Variants in DENND4A observed in about 807,000 individuals in gnomAD.
DENND4A encodes the protein C-myc promoter-binding protein.
In DENND4A, 70 loss-of-function variants were observed where a neutral mutation model predicts 199.3. The observed-to-expected ratio is 0.35, with a 90% CI of 0.29 to 0.43. DENND4A has a LOEUF of 0.43. DENND4A is among the 20% of genes least tolerant of loss of function. The probability of loss-of-function intolerance (pLI) is 1.00; values close to 1 mark genes in which losing one functional copy is unlikely to be tolerated. For missense variants in DENND4A, 1,723 were observed against 2,255.8 expected (o/e 0.76, Z 4.78); for synonymous variants, 686 against 766.9 (o/e 0.89, Z 1.74).
At chr15:65,708,445 G>A (rs957549572) in intron 14 of DENND4A, among the ~76,000 whole-genome samples, 1 of 151,924 alleles carries the variant, frequency 6.6e-6, no homozygotes, top group African/African-American at 2.4e-5. Flanking sequence ...TCTAGTTTTC[G>A]GTAAAGTCTA....
At position 65,664,620 on chromosome 15, in the gene DENND4A, T is replaced by A; in HGVS notation, c.5462A>T (p.Tyr1821Phe). The A allele has an allele frequency of 6.2e-7, 1 of 1,613,100 alleles. No individual in the cohort carries two copies. The highest frequency in any genetic ancestry group is 8.5e-7 in the Non-Finnish European group (1 of 1,179,276). The change falls in exon 31 of 33, where the codon TAT becomes TTT. Residue 1821 changes from tyrosine (Y) to phenylalanine (F), a missense_variant. This residue lies in a region of DENND4A where 164 missense variants were observed against 280.1 expected (regional missense o/e 0.59). Transcript: ENST00000443035. ...CTCTAAAATCTGACTCATTGGTCCA[T>A]AGACATCATTCATTTTAATGCTTTT... ...MVKSIKMNDV[Y>F]GPMSQILETL...
intron 11 of DENND4A, among the ~76,000 whole-genome samples, chr15:65,725,740 G>A (rs918737735): frequency 6.6e-6 from 1 of 151,950 alleles, no homozygotes; most frequent in Non-Finnish European, 1.5e-5. Context: ...AATAACATGA[G>A]ATAACTTAGG....
intron 24 of DENND4A, among the ~76,000 whole-genome samples, chr15:65,675,154 ATGG>A (rs2076336177): frequency 6.6e-6 from 1 of 152,210 alleles, no homozygotes; most frequent in Non-Finnish European, 1.5e-5. Context: ...CCATATTTGT[ATGG>A]CCCTGAGCTA....
rs1013222366 is a variant in DENND4A, at chr15:65,661,501, G to T, written c.*350C>A. On this transcript the variant is annotated 3_prime_UTR_variant, in exon 33 of 33. Coordinates refer to ENST00000443035, the MANE Select transcript of DENND4A (RefSeq NM_001320835.1). ...TACGTTCATCTGACATTTCTGTTTA[G>T]ATTCCATTCATGATTTTTCAATCTG... 2.4e-5 allele frequency: 4 copies of T among 168,600 alleles called. No individual in the cohort carries two copies. Among genetic ancestry groups the T allele is most frequent in the African/African-American group, 9.5e-5 (4 of 42,110 alleles). The allele number at this position is 168,600 out of a possible 1,614,324, so 10.4% of individuals were successfully genotyped here. A position where few individuals can be genotyped will look rare whatever the true frequency, so the allele number is the denominator to read the frequency against.
chr15:65,771,532 G>T, intron 1 of DENND4A: 1 of 1,611,894 alleles, frequency 6.2e-7, no homozygotes, highest in Admixed American at 1.7e-5. Context: ...ATGACACGAG[G>T]ATCAATACAA....
intron 7 of DENND4A, among the ~76,000 whole-genome samples, chr15:65,733,726 T>G (rs1001448578): frequency 2.0e-5 from 3 of 152,198 alleles, no homozygotes; most frequent in African/African-American, 7.2e-5. Context: ...AGACTCCATT[T>G]TGTTCTGTAC....
chr15:65,713,235 C>T (rs553809705), intron 14 of DENND4A, among the ~76,000 whole-genome samples: 3 of 152,052 alleles, frequency 2.0e-5, no homozygotes, highest in Admixed American at 2.0e-4. Context: ...AGTTTCTTCT[C>T]CATTTTTACT....
chr15:65,738,779 C>T lies in DENND4A; in HGVS notation c.728G>A (p.Cys243Tyr), dbSNP rs909900424. The T allele has an allele frequency of 6.2e-7, 1 of 1,612,526 alleles. No homozygotes were observed. Among genetic ancestry groups the T allele is most frequent in the Non-Finnish European group, 8.5e-7 (1 of 1,179,198 alleles). ...AGGGTATTTGCTATTTGATGGCCAA[C>T]ATTCAATGGTTGCACCCATTGGTAA... ...FCLPMGATIECWPSNSKYPLP... is the reference protein window; with the variant it reads ...FCLPMGATIEYWPSNSKYPLP... Residue 243 changes from cysteine (C) to tyrosine (Y), a missense_variant, in exon 6 of 33, where the codon TGT becomes TAT. Cys to Tyr is a radical substitution (Grantham distance 194). Transcript: ENST00000443035.
In DENND4A at chr15:65,659,458, C is replaced by T. The variant is rs1337073613; in HGVS notation, c.*2393G>A. On this transcript the variant is annotated 3_prime_UTR_variant, in exon 33 of 33. Transcript: ENST00000443035. The stretch of plus-strand genomic sequence containing the variant: ...AAAGTGATCCTCCTGCTTCAGCCTC[C>T]CGAGTAGCTGGGATTACCAAGCATG... 1 of 150,530 alleles carries T rather than the reference C, an allele frequency of 6.6e-6. No individual in the cohort carries two copies. Among genetic ancestry groups the T allele is most frequent in the Non-Finnish European group, 1.5e-5 (1 of 67,828 alleles). 9.3% of individuals were successfully genotyped at this position (150,530 alleles called of 1,614,324 possible).
chr15:65,746,417 C>T (rs1360675043), intron 4 of DENND4A, among the ~76,000 whole-genome samples: 6 of 90,488 alleles, frequency 6.6e-5, no homozygotes, highest in African/African-American at 1.3e-4. Flanking sequence ...GACGGAGTCT[C>T]GTTCTGTCAC....
In DENND4A at chr15:65,669,809, A is replaced by G; in HGVS notation, c.4757T>C (p.Leu1586Pro). Residue 1586 changes from leucine to proline, a missense_variant, in exon 27 of 33, where the codon CTC becomes CCC. Physicochemically the swap from Leu to Pro is moderately conservative, Grantham distance 98. Transcript: ENST00000443035. ...TAGATCAAAATTCCCTTGAACAGAG[A>G]GAGCAGATGTGTCAAGACCAGAGGC... Reference protein sequence around the residue: ...TSASGLDTSALSVQGNFDLNS... With the variant: ...TSASGLDTSAPSVQGNFDLNS... 2 of 1,613,156 alleles carry G rather than the reference A, an allele frequency of 1.2e-6. No individual in the cohort carries two copies. The highest frequency in any genetic ancestry group is 1.7e-6 in the Non-Finnish European group (2 of 1,179,374).
intron 12 of DENND4A, among the ~76,000 whole-genome samples, chr15:65,719,005 C>T (rs544011135): frequency 8.0e-4 from 121 of 151,724 alleles, no homozygotes; most frequent in African/African-American, 2.8e-3. Flanking sequence ...GTCTCGAACT[C>T]CTGACCTCAG....
In DENND4A at chr15:65,698,143, ACTTCTTGGGAGG is replaced by A. The variant is rs570929166; in HGVS notation, c.2834-772_2834-761del. Among the ~76,000 whole-genome samples the A allele has an allele frequency of 1.6e-4, 25 of 151,986 alleles. No homozygotes were observed. In the East Asian group the frequency reaches 4.3e-3, roughly 26 times the overall value. ...GGAATGGTGGCATGCACCTATAGACACTTCTTGGGAGGCTTCTTGGGAGGCTGAGGTGGGAAG... is the reference window on the plus strand; with the variant it reads ...GGAATGGTGGCATGCACCTATAGACACTTCTTGGGAGGCTGAGGTGGGAAG... On this transcript the variant is annotated intron_variant, in intron 20 of 32. Coordinates refer to ENST00000443035, the MANE Select transcript of DENND4A (RefSeq NM_001320835.1).
At chr15:65,723,957 C>T (rs2075725165) in intron 11 of DENND4A, among the ~76,000 whole-genome samples, 1 of 152,000 alleles carries the variant, frequency 6.6e-6, no homozygotes, top group Non-Finnish European at 1.5e-5. Context: ...AATTACAACA[C>T]AGTTGGTCTC....
intron 14 of DENND4A, among the ~76,000 whole-genome samples, chr15:65,708,413 G>C (rs1216089011): frequency 6.6e-6 from 1 of 152,098 alleles, no homozygotes; most frequent in African/African-American, 2.4e-5. Context: ...TCATAGAAAA[G>C]TGTGGGGTCC....
intron 24 of DENND4A, 74 bp from the exon 25 acceptor site, chr15:65,671,960 C>T (rs1192718077): frequency 4.6e-6 from 4 of 877,000 alleles, no homozygotes; most frequent in Non-Finnish European, 5.8e-6. Flanking sequence ...CTTTTACTTC[C>T]ATAAGTTCTC....
At chr15:65,772,316 T>C (rs1312167453) in intron 1 of DENND4A, among the ~76,000 whole-genome samples, 1 of 152,180 alleles carries the variant, frequency 6.6e-6, no homozygotes, top group African/African-American at 2.4e-5. Context: ...TTTTTGACCA[T>C]GTAGCATGTG....
chr15:65,759,809 T>C (rs1412934552), intron 2 of DENND4A, among the ~76,000 whole-genome samples: 1 of 152,226 alleles, frequency 6.6e-6, no homozygotes, highest in Non-Finnish European at 1.5e-5. Flanking sequence ...TTTAACTTTT[T>C]TTCTCCAGTT....
chr15:65,761,654 A>C (rs2076852872), intron 1 of DENND4A, among the ~76,000 whole-genome samples: 1 of 151,872 alleles, frequency 6.6e-6, no homozygotes, highest in African/African-American at 2.4e-5. Context: ...TGCTGAAGAG[A>C]GGCAATGAGA....
Sources: gnomAD v4.1 joint callset for allele counts (sites outside exome capture counted in the v4.1 genomes callset) on GRCh38, gnomAD v4.1.1 for gene constraint, gnomAD v4.1.1 regional missense constraint, MANE v1.5 for transcripts, NCBI Gene and HGNC (gene_info 2026-07-23, HGNC 2026-07-21) for gene names.